The following KIF16B variants were observed in gnomAD, a reference collection of about 807,000 sequenced individuals.
KIF16B encodes the protein kinesin family member 16B, also known as kinesin-like protein KIF16B.
A neutral mutation model predicts 156.3 loss-of-function variants in KIF16B; 98 were observed. The ratio of observed to expected loss-of-function variants is 0.63; its 90% CI spans 0.53 to 0.74. KIF16B has a LOEUF of 0.74. Among genes scored for constraint, KIF16B ranks in the 30% least tolerant of loss-of-function variants. KIF16B has a pLI of 0.00. For synonymous variants in KIF16B, 564 were observed against 583.7 expected (o/e 0.97, Z 0.49); for missense variants, 1,421 against 1,606.5 (o/e 0.88, Z 1.97).
intron 14 of KIF16B, 55 bp downstream of exon 14, chr20:16,428,898 C>T: frequency 6.7e-7 from 1 of 1,483,446 alleles, no homozygotes; most frequent in Non-Finnish European, 9.4e-7. Context: ...AAAGTTCTTC[C>T]TTGAATACAA....
chr20:16,349,644 C>T (rs1014518924), intron 23 of KIF16B, among the ~76,000 whole-genome samples: 1 of 152,224 alleles, frequency 6.6e-6, no homozygotes, highest in Admixed American at 6.5e-5. Context: ...CCCATATCCT[C>T]CACCACCAGT....
At chr20:16,359,623 C>G (rs1022240798) in intron 22 of KIF16B, among the ~76,000 whole-genome samples, 1 of 139,560 alleles carries the variant, frequency 7.2e-6, no homozygotes, top group Non-Finnish European at 1.5e-5. Flanking sequence ...AAAAGGAAAG[C>G]TGCTTGAGGC....
At chr20:16,316,286 C>T (rs902963444) in intron 24 of KIF16B, among the ~76,000 whole-genome samples, 1 of 152,178 alleles carries the variant, frequency 6.6e-6, no homozygotes, top group African/African-American at 2.4e-5. Context: ...TCAGCGATAC[C>T]TAAGCCAATC....
chr20:16,379,102 T>G lies in KIF16B; in HGVS notation c.2900A>C (p.Gln967Pro), dbSNP rs765035737. 1.2e-6 allele frequency: 2 copies of G among 1,612,872 alleles called. No homozygotes were observed. Among genetic ancestry groups the G allele is most frequent in the Non-Finnish European group, 1.7e-6 (2 of 1,179,238 alleles). The change falls in exon 19 of 26, where the codon CAA (glutamine) becomes CCA (proline). Residue 967 changes from glutamine (Q) to proline (P), a missense_variant. By Grantham distance (76) the Gln-to-Pro change is moderately conservative. Transcript: ENST00000354981. ...AQYQANANQL[Q>P]KLQATFEFTA... Reference sequence around the variant, plus strand: ...GAATTCAAAGGTGGCTTGGAGCTTTTGCAGCTGGTTTGCATTGGCCTGGTA... The same window carrying G: ...GAATTCAAAGGTGGCTTGGAGCTTTGGCAGCTGGTTTGCATTGGCCTGGTA...
chr20:16,296,644 T>C (rs1344352263), intron 25 of KIF16B, among the ~76,000 whole-genome samples: 1 of 152,212 alleles, frequency 6.6e-6, no homozygotes, highest in East Asian at 1.9e-4. Flanking sequence ...CTAATGGGGC[T>C]GCACATGAGG....
chr20:16,556,541 C>G (rs1005154207), intron 1 of KIF16B, among the ~76,000 whole-genome samples: 5 of 152,206 alleles, frequency 3.3e-5, no homozygotes, highest in Admixed American at 2.6e-4. Flanking sequence ...CCATTAGCAG[C>G]ACAAGTGACC....
intron 25 of KIF16B, among the ~76,000 whole-genome samples, chr20:16,284,523 C>T (rs2063194350): frequency 6.6e-6 from 1 of 152,112 alleles, no homozygotes; most frequent in Admixed American, 6.5e-5. Flanking sequence ...TCTTTTTTCA[C>T]ACTGACACTT....
At chr20:16,527,019 G>A (rs1353529256) in intron 2 of KIF16B, among the ~76,000 whole-genome samples, 3 of 152,122 alleles carry the variant, frequency 2.0e-5, no homozygotes, top group African/African-American at 4.8e-5. Context: ...ATTCCATAAC[G>A]CACAAAGAAA....
At chr20:16,400,538 C>T (rs1298146224) in intron 17 of KIF16B, among the ~76,000 whole-genome samples, 1 of 152,170 alleles carries the variant, frequency 6.6e-6, no homozygotes, top group Admixed American at 6.5e-5. Context: ...AAAACAAGGA[C>T]TCAAACAAAC....
intron 3 of KIF16B, 148 bp downstream of exon 3, chr20:16,525,944 C>G: frequency 2.0e-6 from 1 of 500,402 alleles, no homozygotes. Flanking sequence ...CTACATAACA[C>G]TCAGAAAGGT....
rs916992570 is a variant in KIF16B, at chr20:16,572,053, C to T, written c.47+1176G>A. Among the ~76,000 whole-genome samples the T allele has an allele frequency of 5.9e-5, 9 of 152,188 alleles. No individual in the cohort carries two copies. The East Asian group carries it at 1.5e-3, about 26-fold the overall frequency. On this transcript the variant is annotated intron_variant, in intron 1 of 25. Coordinates refer to ENST00000354981, the MANE Select transcript of KIF16B (RefSeq NM_024704.5). Reference sequence around the variant, plus strand: ...GAAAAATCGTTCTAAAGTTTATCTTCTATGATGGAATGTACACAGAAACAA... The same window carrying T: ...GAAAAATCGTTCTAAAGTTTATCTTTTATGATGGAATGTACACAGAAACAA...
At chr20:16,280,835 C>T (rs952745792) in intron 25 of KIF16B, among the ~76,000 whole-genome samples, 28 of 60,624 alleles carry the variant, frequency 4.6e-4, no homozygotes, top group Middle Eastern at 6.5e-3. Context: ...AACTGCTGCG[C>T]GCGCACGTGT....
At chr20:16,346,747 G>A (rs1410235779) in intron 23 of KIF16B, among the ~76,000 whole-genome samples, 1 of 152,092 alleles carries the variant, frequency 6.6e-6, no homozygotes, top group Non-Finnish European at 1.5e-5. Flanking sequence ...GGGAGATGGG[G>A]GCCTTTAAGT....
chr20:16,571,773 G>T (rs1311744061), intron 1 of KIF16B, among the ~76,000 whole-genome samples: 1 of 151,982 alleles, frequency 6.6e-6, no homozygotes, highest in Non-Finnish European at 1.5e-5. Context: ...GGGACTACAG[G>T]CGTCCACCAC....
intron 15 of KIF16B, among the ~76,000 whole-genome samples, chr20:16,426,242 C>G (rs2066348683): frequency 6.6e-6 from 1 of 151,678 alleles, no homozygotes; most frequent in Admixed American, 6.6e-5. Context: ...TCAAAACTGC[C>G]AAAGTCAGAA....
intron 17 of KIF16B, among the ~76,000 whole-genome samples, chr20:16,393,057 A>G (rs1216177619): frequency 6.6e-6 from 1 of 152,236 alleles, no homozygotes; most frequent in Non-Finnish European, 1.5e-5. Context: ...AAAGCACACA[A>G]TTAAATGTTT....
At chr20:16,367,041 T>G (rs1314778673) in intron 22 of KIF16B, 28 of 1,375,670 alleles carry the variant, frequency 2.0e-5, no homozygotes, top group Non-Finnish European at 2.6e-5. Flanking sequence ...CAGTTCCAAT[T>G]CAATTAGCTA....
intron 12 of KIF16B, among the ~76,000 whole-genome samples, chr20:16,455,579 T>A (rs1307221412): frequency 6.6e-6 from 1 of 152,142 alleles, no homozygotes; most frequent in East Asian, 1.9e-4. Flanking sequence ...TCAAGACCAA[T>A]AAATAGTTCA....
chr20:16,402,974 G>C (rs568157724), intron 17 of KIF16B, among the ~76,000 whole-genome samples: 146 of 152,280 alleles, frequency 9.6e-4, no homozygotes, highest in Non-Finnish European at 1.5e-3. Flanking sequence ...TCCATCTCAC[G>C]TATATATGTA....
Sources: allele counts gnomAD v4.1 joint callset (sites outside exome capture counted in the v4.1 genomes callset), GRCh38; gene constraint gnomAD v4.1.1; transcripts MANE v1.5; gene names NCBI Gene and HGNC (gene_info 2026-07-23, HGNC 2026-07-21).